GALNT2: variants seen among roughly 807,000 people sequenced by gnomAD.
GALNT2 encodes the protein UDP-GalNAc:polypeptide N-acetylgalactosaminyltransferase 2.
In GALNT2, 31 loss-of-function variants were observed where a neutral mutation model predicts 81.4. The observed-to-expected ratio is 0.38, with a 90% CI of 0.29 to 0.51. The LOEUF is 0.51. Among genes scored for constraint, GALNT2 ranks in the 20% least tolerant of loss-of-function variants. The pLI is 0.87. For synonymous variants in GALNT2, 303 were observed against 287.4 expected (o/e 1.05, Z -0.55); for missense variants, 629 against 765.7 (o/e 0.82, Z 2.11).
chr1:230,124,409 A>C (rs1181626729), intron 1 of GALNT2, among the ~76,000 whole-genome samples: 2 of 152,138 alleles, frequency 1.3e-5, no homozygotes, highest in Non-Finnish European at 1.5e-5. Flanking sequence ...GCAAGCTGGA[A>C]TGTCCCCTTG....
At chr1:230,254,513 G>A (rs1665647119) in intron 10 of GALNT2, among the ~76,000 whole-genome samples, 1 of 152,154 alleles carries the variant, frequency 6.6e-6, no homozygotes, top group African/African-American at 2.4e-5. Context: ...TAGTCCATAA[G>A]GCAGTCCCTA....
intron 2 of GALNT2, among the ~76,000 whole-genome samples, chr1:230,188,677 T>C (rs1471290269): frequency 6.6e-6 from 1 of 152,174 alleles, no homozygotes; most frequent in African/African-American, 2.4e-5. Context: ...ACATTTCAGG[T>C]CTACTGTGGA....
At chr1:230,190,629 G>A (rs889604028) in intron 2 of GALNT2, among the ~76,000 whole-genome samples, 1 of 152,014 alleles carries the variant, frequency 6.6e-6, no homozygotes, top group Non-Finnish European at 1.5e-5. Context: ...CTCCCTGATC[G>A]GGGGCCACCC....
At chr1:230,100,773 C>A (rs1332912860) in intron 1 of GALNT2, among the ~76,000 whole-genome samples, 1 of 152,194 alleles carries the variant, frequency 6.6e-6, no homozygotes, top group East Asian at 1.9e-4. Flanking sequence ...TGCTTCACTC[C>A]AAAGTCGATG....
rs1342607417 is a variant in GALNT2 at position 230,070,462 on chromosome 1, G to A, written c.126+3056G>A. On this transcript the variant is annotated intron_variant, in intron 1 of 15. Coordinates refer to ENST00000366672, the MANE Select transcript of GALNT2 (RefSeq NM_004481.5). This position sits in a 1 kb window ranked among gnomAD's most constrained non-coding sequence, Gnocchi z 4.7. The stretch of plus-strand genomic sequence containing the variant: ...GAAGTGTGGCTGTTTAGGGTGGAAA[G>A]GGAAGGGTTTTCTCTCTGCTGTAAG... 1.3e-5 allele frequency among the ~76,000 whole-genome samples: 2 copies of A among 152,192 alleles called. No homozygotes were observed. Among genetic ancestry groups the A allele is most frequent in the Non-Finnish European group, 2.9e-5 (2 of 68,036 alleles).
intron 1 of GALNT2, among the ~76,000 whole-genome samples, chr1:230,126,582 A>G (rs917914333): frequency 3.9e-5 from 6 of 152,190 alleles, no homozygotes; most frequent in African/African-American, 1.4e-4. Flanking sequence ...AGCGGGAATG[A>G]GAGTGGTTCA....
Position 230,070,487 on chromosome 1 carries a change from G to A in GALNT2, c.126+3081G>A, listed in dbSNP as rs567059919. Among the ~76,000 whole-genome samples, 74 of 152,310 alleles carry A rather than the reference G, an allele frequency of 4.9e-4. No individual in the cohort carries two copies. Among genetic ancestry groups the A allele is most frequent in the African/African-American group, 1.8e-3 (73 of 41,556 alleles). On this transcript the variant is annotated intron_variant, in intron 1 of 15. Coordinates refer to ENST00000366672, the MANE Select transcript of GALNT2 (RefSeq NM_004481.5). This position sits in a 1 kb window ranked among gnomAD's most constrained non-coding sequence, Gnocchi z 4.7. ...GGGAAGGGTTTTCTCTCTGCTGTAA[G>A]AGTGTGTGGAGCCTGAGACCCCTTG...
chr1:230,059,891 C>G (rs1571914589), intron 1 of GALNT2, among the ~76,000 whole-genome samples: 1 of 152,162 alleles, frequency 6.6e-6, no homozygotes, highest in Non-Finnish European at 1.5e-5. Context: ...TAACAAATAT[C>G]ATATTTCCTA....
At chr1:230,081,342 T>C (rs1659721972) in intron 1 of GALNT2, among the ~76,000 whole-genome samples, 1 of 152,222 alleles carries the variant, frequency 6.6e-6, no homozygotes, top group Admixed American at 6.5e-5. Context: ...AGGAGATTAT[T>C]TCCCAATTCC....
At chr1:230,068,915 G>A (rs1245256226) in intron 1 of GALNT2, among the ~76,000 whole-genome samples, 1 of 152,206 alleles carries the variant, frequency 6.6e-6, no homozygotes, top group Non-Finnish European at 1.5e-5. Flanking sequence ...AGCAAAAGCC[G>A]TGCAGTCCAT....
intron 1 of GALNT2, among the ~76,000 whole-genome samples, chr1:230,069,442 A>G (rs951847778): frequency 5.9e-5 from 9 of 152,164 alleles, no homozygotes; most frequent in African/African-American, 2.2e-4. Flanking sequence ...GCTACCCCTT[A>G]GGATGCTTTA....
chr1:230,113,739 T>C (rs1238917401), intron 1 of GALNT2, among the ~76,000 whole-genome samples: 1 of 151,488 alleles, frequency 6.6e-6, no homozygotes, highest in Admixed American at 6.6e-5. Flanking sequence ...GCCCAGGGAG[T>C]GTTGGCAGCT....
At chr1:230,062,475 G>A (rs529091637), upstream of GALNT2, among the ~76,000 whole-genome samples, 14 of 152,160 alleles carry the variant, frequency 9.2e-5, no homozygotes, top group African/African-American at 2.9e-4. Flanking sequence ...ATCTCAAACC[G>A]AAACTCCGAA....
intron 1 of GALNT2, among the ~76,000 whole-genome samples, chr1:230,135,654 C>G (rs191053815): frequency 2.0e-5 from 3 of 152,156 alleles, no homozygotes; most frequent in African/African-American, 7.2e-5. Flanking sequence ...GATTTGAATT[C>G]AGTCTCTGCC....
At chr1:230,237,974 A>G (rs145561245) in intron 6 of GALNT2, among the ~76,000 whole-genome samples, 113 of 152,340 alleles carry the variant, frequency 7.4e-4, no homozygotes, top group Non-Finnish European at 1.4e-3. Context: ...GCTTCTCAGT[A>G]TTAACTTTCC....
At chr1:230,167,078 A>T (rs923985429) in intron 1 of GALNT2, among the ~76,000 whole-genome samples, 1 of 144,858 alleles carries the variant, frequency 6.9e-6, no homozygotes, top group African/African-American at 2.4e-5. Flanking sequence ...CTCTTTGCAT[A>T]TCATTCTGAG....
intron 1 of GALNT2, among the ~76,000 whole-genome samples, chr1:230,150,353 A>G (rs142460761): frequency 1.6e-4 from 24 of 152,368 alleles, no homozygotes; most frequent in African/African-American, 5.8e-4. Context: ...ACATCACCCA[A>G]GGTGTCATAT....
intron 10 of GALNT2, 69 bp downstream of exon 10, chr1:230,250,629 GA>G (rs1415214590): frequency 3.5e-5 from 42 of 1,212,148 alleles, no homozygotes; most frequent in Admixed American, 4.6e-5. Flanking sequence ...GTGCCAATTG[GA>G]AAAAAAATTT....
chr1:230,097,383 C>T (rs961124988), intron 1 of GALNT2, among the ~76,000 whole-genome samples: 1 of 152,174 alleles, frequency 6.6e-6, no homozygotes, highest in Non-Finnish European at 1.5e-5. Flanking sequence ...AGACTCTGTG[C>T]CCATTAAACA....
Sources: gnomAD v4.1 joint callset for allele counts (sites outside exome capture counted in the v4.1 genomes callset) on GRCh38, gnomAD v4.1.1 for gene constraint, Gnocchi (gnomAD v3.1) non-coding constraint, MANE v1.5 for transcripts, NCBI Gene and HGNC (gene_info 2026-07-23, HGNC 2026-07-21) for gene names.